The following PRCD variants were observed in gnomAD, a reference collection of about 807,000 sequenced individuals.
PRCD encodes the protein photoreceptor disc component.
Under a neutral mutation model 10.1 loss-of-function variants are expected in PRCD, and 12 were observed. The ratio of observed to expected loss-of-function variants is 1.18; its 90% CI spans 0.76 to 1.92. The LOEUF (loss-of-function observed/expected upper bound fraction) is 1.92, where lower values mean the gene tolerates loss of function less well. PRCD is among the 40% of genes most tolerant of loss of function. The pLI is 0.00. For synonymous variants in PRCD, 31 were observed against 26.2 expected, an observed-to-expected ratio of 1.18 and a Z score of -0.56; for missense variants, 61 against 72.2, an observed-to-expected ratio of 0.84 and a Z score of 0.56.
chr17:76,534,180 C>CTCTCTCTCTCTCTCTCTCTCTCTCT (rs2074888782), intron 1 of PRCD, among the ~76,000 whole-genome samples: 1 of 140,124 alleles, frequency 7.1e-6, no homozygotes, highest in Non-Finnish European at 1.5e-5. Context: ...CTCTCTCTTT[C>CTCTCTCTCTCTCTCTCTCTCTCTCT]TTTCTTTCTT....
chr17:76,539,901 A>C (rs2074964971), upstream of PRCD: 6 of 591,024 alleles, frequency 1.0e-5, no homozygotes, highest in East Asian at 1.7e-4. Context: ...ATACGTGCTC[A>C]ATGCCACAGT....
chr17:76,552,700 CCAAAAAT>C (rs1412009393), intron 1 of PRCD: 11 of 150,730 alleles, frequency 7.3e-5, no homozygotes, highest in Admixed American at 5.3e-4. Context: ...TCTGTCTCTA[CCAAAAAT>C]ACAAAAATTA....
At chr17:76,543,180 T>C (rs1231325847) in intron 4 of PRCD, 59 bp downstream of exon 4, 3 of 452,354 alleles carry the variant, frequency 6.6e-6, no homozygotes, top group Non-Finnish European at 4.6e-6. Context: ...AGGCCCTGGG[T>C]GTGGGCTCCT....
intron 2 of PRCD, among the ~76,000 whole-genome samples, chr17:76,541,934 G>GAAAAA: frequency 6.6e-6 from 1 of 152,312 alleles, no homozygotes; most frequent in South Asian, 2.1e-4. Flanking sequence ...CTCCATAAAT[G>GAAAAA]CTAGCAGCTG....
At chr17:76,551,204 C>CT (rs1205978886) in intron 1 of PRCD, 2 of 152,182 alleles carry the variant, frequency 1.3e-5, no homozygotes, top group African/African-American at 4.8e-5. Context: ...AGTGAAGGGA[C>CT]TTTCAAGGCA....
downstream of PRCD, chr17:76,545,464 G>C (rs572685169): frequency 3.9e-5 from 17 of 436,448 alleles, no homozygotes; most frequent in African/African-American, 2.8e-4. Flanking sequence ...GGGCTTGGGA[G>C]AGGGCAGATA....
chr17:76,534,259 C>G (rs1410688897), intron 1 of PRCD, among the ~76,000 whole-genome samples: 1 of 151,902 alleles, frequency 6.6e-6, no homozygotes, highest in African/African-American at 2.4e-5. Context: ...TCACTGCAAC[C>G]TCTGCCTCCT....
intron 1 of PRCD, chr17:76,529,015 G>A: frequency 1.0e-6 from 1 of 993,780 alleles, no homozygotes; most frequent in Non-Finnish European, 1.2e-6. Flanking sequence ...CGTATTCTCG[G>A]TACACACAGC....
chr17:76,540,454 G>T lies in PRCD; in HGVS notation c.75-51G>T. The T allele has an allele frequency of 6.3e-7, 1 of 1,594,956 alleles. No homozygotes were observed. The highest frequency in any genetic ancestry group is 1.1e-5 in the South Asian group (1 of 90,640). On this transcript the variant is annotated intron_variant, in intron 1 of 4. Coordinates refer to ENST00000592014, the MANE Select transcript of PRCD (RefSeq NM_001077620.3). This position sits in a 1 kb window ranked among gnomAD's most constrained non-coding sequence, Gnocchi z 5.0. ...CGGCCTGGACCTGTGGAGGGACAGTGAGGGGCTGGGCACAGCCATAGCTCT... is the reference window on the plus strand; with the variant it reads ...CGGCCTGGACCTGTGGAGGGACAGTTAGGGGCTGGGCACAGCCATAGCTCT...
chr17:76,547,700 G>T (rs1206761136), downstream of PRCD, among the ~76,000 whole-genome samples: 10 of 135,906 alleles, frequency 7.4e-5, no homozygotes, highest in African/African-American at 2.8e-4. Context: ...CACACACACA[G>T]ACACACACAC....
Position 76,544,411 on chromosome 17 carries a change from G to A in PRCD, c.*761G>A, listed in dbSNP as rs959870562. The A allele has an allele frequency of 1.3e-5, 6 of 454,782 alleles. No homozygotes were observed. In the Admixed American group the frequency reaches 1.4e-4, roughly 11 times the overall value. The allele number at this position is 454,782 out of a possible 1,614,324, so 28.2% of individuals were successfully genotyped here. A position where few individuals can be genotyped will look rare whatever the true frequency, so the allele number is the denominator to read the frequency against. On this transcript the variant is annotated 3_prime_UTR_variant, in exon 5 of 5. Coordinates refer to ENST00000592014, the MANE Select transcript of PRCD (RefSeq NM_001077620.3). Reference sequence around the variant, plus strand: ...GAGCAGAGGGAACCGCTGGGGAGGCGCTCAGGGTGGGGGAGGAGGTGCACC... The same window carrying A: ...GAGCAGAGGGAACCGCTGGGGAGGCACTCAGGGTGGGGGAGGAGGTGCACC...
Position 76,528,421 on chromosome 17 carries a change from G to C in PRCD, n.45+588G>C, listed in dbSNP as rs985678787. On this transcript the variant is annotated intron_variant and non_coding_transcript_variant, in intron 1 of 4. Transcript: ENST00000397633. This position sits in a 1 kb window ranked among gnomAD's most constrained non-coding sequence, Gnocchi z 5.8. ...CAGCGCCGCCTCCCAGCAGCTCCAGGGGGGGACCCTGGCCGCCACAGAGGC... is the reference window on the plus strand; with the variant it reads ...CAGCGCCGCCTCCCAGCAGCTCCAGCGGGGGACCCTGGCCGCCACAGAGGC... The C allele has an allele frequency of 2.1e-5, 14 of 657,646 alleles. No homozygotes were observed. Among genetic ancestry groups the C allele is most frequent in the African/African-American group, 1.7e-4 (9 of 53,386 alleles). 40.7% of individuals were successfully genotyped at this position (657,646 alleles called of 1,614,324 possible). A position where few individuals can be genotyped will look rare whatever the true frequency, so the allele number is the denominator to read the frequency against.
chr17:76,534,833 GT>G (rs2143107610), intron 1 of PRCD, among the ~76,000 whole-genome samples: 1 of 152,326 alleles, frequency 6.6e-6, no homozygotes, highest in East Asian at 1.9e-4. Flanking sequence ...GTCTCAGGGA[GT>G]CCCCACCCAG....
chr17:76,537,201 G>A (rs2074925881), upstream of PRCD, among the ~76,000 whole-genome samples: 1 of 152,192 alleles, frequency 6.6e-6, no homozygotes, highest in Admixed American at 6.5e-5. Flanking sequence ...GGTGAACACC[G>A]CGCCGGAGCC....
chr17:76,528,220 G>C lies in PRCD; in HGVS notation n.45+387G>C. The stretch of plus-strand genomic sequence containing the variant: ...GTGATACTCTAGATGGTGATGTGGA[G>C]ACCTGCATGCTGGCCGGGCTGATAG... On this transcript the variant is annotated intron_variant and non_coding_transcript_variant, in intron 1 of 4. Coordinates refer to the PRCD transcript ENST00000397633. The surrounding 1 kb of genome is among the most constrained non-coding windows in gnomAD (Gnocchi z 5.8). The C allele has an allele frequency of 2.5e-6, 1 of 398,400 alleles. No homozygotes were observed. Among genetic ancestry groups the C allele is most frequent in the Middle Eastern group, 6.3e-4 (1 of 1,588 alleles). The allele number at this position is 398,400 out of a possible 1,614,324, so 24.7% of individuals were successfully genotyped here.
chr17:76,531,528 A>G lies in PRCD; in HGVS notation n.45+3695A>G, dbSNP rs772408226. ...TTCCCCACAAGGGCGAGCACAGAGG[A>G]CACCTTGTCGGGGTCATGCAGGTTC... On this transcript the variant is annotated intron_variant and non_coding_transcript_variant, in intron 1 of 4. Coordinates refer to the PRCD transcript ENST00000397633. The surrounding 1 kb of genome is among the most constrained non-coding windows in gnomAD (Gnocchi z 7.4). 6.2e-7 allele frequency: 1 copy of G among 1,614,096 alleles called. No homozygotes were observed. Among genetic ancestry groups the G allele is most frequent in the Non-Finnish European group, 8.5e-7 (1 of 1,179,926 alleles).
chr17:76,541,074 C>T (rs1452367272), intron 2 of PRCD, among the ~76,000 whole-genome samples: 1 of 152,192 alleles, frequency 6.6e-6, no homozygotes, highest in Non-Finnish European at 1.5e-5. Flanking sequence ...GCGGGCAGGA[C>T]GCTGTCTCCA....
At position 76,540,376 on chromosome 17, in the gene PRCD, G is replaced by T. The variant is rs2074976366; in HGVS notation, c.75-129G>T. On this transcript the variant is annotated intron_variant, in intron 1 of 4. Transcript: ENST00000592014. The surrounding 1 kb of genome is among the most constrained non-coding windows in gnomAD (Gnocchi z 5.0). ...GAGAGAGCACAGTCTCAGAGCAGGG[G>T]GACTTAGAGCTTCAAAGGCTCTAGT... 3.1e-6 allele frequency: 4 copies of T among 1,296,304 alleles called. No individual in the cohort carries two copies. The highest frequency in any genetic ancestry group is 4.5e-6 in the Non-Finnish European group (4 of 898,704). The allele number at this position is 1,296,304 out of a possible 1,614,324, so 80.3% of individuals were successfully genotyped here. A position where few individuals can be genotyped will look rare whatever the true frequency, so the allele number is the denominator to read the frequency against.
chr17:76,541,548 GGATTCTGAGTCCTGA>G (rs1247100483), intron 2 of PRCD, among the ~76,000 whole-genome samples: 1 of 152,120 alleles, frequency 6.6e-6, no homozygotes, highest in Non-Finnish European at 1.5e-5. Flanking sequence ...CTGAGTCCTG[GGATTCTGAGTCCTGA>G]GATTCTGATG....
Sources: allele counts gnomAD v4.1 joint callset (sites outside exome capture counted in the v4.1 genomes callset), GRCh38; gene constraint gnomAD v4.1.1; non-coding constraint Gnocchi (gnomAD v3.1); transcripts MANE v1.5; gene names NCBI Gene and HGNC (gene_info 2026-07-23, HGNC 2026-07-21).